The following HEATR4 variants were observed in gnomAD, a reference collection of about 807,000 sequenced individuals.
HEATR4 encodes the protein HEAT repeat-containing protein 4.
Under a neutral mutation model 108.8 loss-of-function variants are expected in HEATR4, and 95 were observed. That is an observed-to-expected ratio of 0.87 (90% CI 0.74 to 1.04). The LOEUF is 1.04. Ranked by LOEUF, HEATR4 falls within the 50% of genes least tolerant of loss-of-function variation. The probability of loss-of-function intolerance (pLI) is 0.00; values close to 1 mark genes in which losing one functional copy is unlikely to be tolerated. For synonymous variants in HEATR4, 443 were observed against 459.4 expected, an observed-to-expected ratio of 0.96 and a Z score of 0.46; for missense variants, 1,152 against 1,253.8, an observed-to-expected ratio of 0.92 and a Z score of 1.23.
chr14:73,617,170 A>G, the HEATR4 span: 1 of 1,614,186 alleles, frequency 6.2e-7, no homozygotes, highest in East Asian at 2.2e-5. Flanking sequence ...GAAGCCGTGG[A>G]CTTTATGCTG....
At chr14:73,570,491 C>G in the HEATR4 span, among the ~76,000 whole-genome samples, 2 of 151,934 alleles carry the variant, frequency 1.3e-5, no homozygotes, top group Non-Finnish European at 1.5e-5. Flanking sequence ...ATGGTGTGAA[C>G]CCGGGAGGCA....
the HEATR4 span, among the ~76,000 whole-genome samples, chr14:73,614,048 A>AAAAAC: frequency 2.8e-5 from 4 of 143,844 alleles, no homozygotes; most frequent in African/African-American, 1.0e-4. Flanking sequence ...AAAAAAAAAA[A>AAAAAC]AAATTAGGCA....
the HEATR4 span, among the ~76,000 whole-genome samples, chr14:73,603,789 A>G: frequency 0.021 from 3,132 of 150,668 alleles, 116 homozygotes; most frequent in African/African-American, 0.072. Flanking sequence ...GTTGGAGTGC[A>G]GTGGTGCAAT....
At chr14:73,591,991 G>T in the HEATR4 span, 13 of 1,417,224 alleles carry the variant, frequency 9.2e-6, no homozygotes, top group Non-Finnish European at 1.2e-5. Context: ...GAGCCCCCAG[G>T]CCGCTGCTGC....
intron 17 of HEATR4, among the ~76,000 whole-genome samples, chr14:73,480,595 A>C (rs896489068): frequency 6.6e-6 from 1 of 152,188 alleles, no homozygotes; most frequent in Non-Finnish European, 1.5e-5. Flanking sequence ...ATACAAAGTA[A>C]GTCTGACCTG....
In HEATR4 at chr14:73,498,264, C is replaced by T. The variant is rs140104691; in HGVS notation, c.2437G>A (p.Val813Ile). ...WAIHYEESPG[V>I]RLEACRSILA... is the part of the protein sequence containing the mutation. ...ATGCTACGGCAAGCTTCCAGCCGTA[C>T]ACCTGGTGACTCTTCATAGTGGATA... The change falls in exon 14 of 18, where the codon GTA (valine) becomes ATA (isoleucine). Residue 813 changes from valine (V) to isoleucine (I), a missense_variant. Coordinates refer to ENST00000553558, the MANE Select transcript of HEATR4 (RefSeq NM_001220484.1). 3 of 1,613,998 alleles carry T rather than the reference C, an allele frequency of 1.9e-6. No homozygotes were observed. The highest frequency in any genetic ancestry group is 2.2e-5 in the East Asian group (1 of 44,898).
intron 17 of HEATR4, among the ~76,000 whole-genome samples, chr14:73,483,363 G>A (rs150383021): frequency 6.6e-6 from 1 of 152,008 alleles, no homozygotes; most frequent in Non-Finnish European, 1.5e-5. Context: ...TAGAGACCTG[G>A]TCTTACTATG....
chr14:73,519,252 T>A, intron 4 of HEATR4, 89 bp from the exon 5 acceptor site: 1 of 1,388,398 alleles, frequency 7.2e-7, no homozygotes, highest in Non-Finnish European at 9.8e-7. Flanking sequence ...CAGACCCAAC[T>A]TCCTTTTGCC....
chr14:73,532,276 T>C (rs1416643022), intron 1 of HEATR4, among the ~76,000 whole-genome samples: 1 of 115,330 alleles, frequency 8.7e-6, no homozygotes, highest in African/African-American at 2.8e-5. Flanking sequence ...CAATCCTATT[T>C]TCCCTGATCT....
intron 17 of HEATR4, among the ~76,000 whole-genome samples, chr14:73,489,089 AC>A (rs1433390998): frequency 6.6e-6 from 1 of 151,018 alleles, no homozygotes; most frequent in African/African-American, 2.4e-5. Flanking sequence ...TTTGTAATAA[AC>A]CAGGATTTGT....
chr14:73,573,336 C>T, the HEATR4 span: 4 of 1,610,976 alleles, frequency 2.5e-6, 1 homozygote, highest in Non-Finnish European at 3.4e-6. Flanking sequence ...TTAAACCATC[C>T]AACTGTTTCA....
intron 17 of HEATR4, among the ~76,000 whole-genome samples, chr14:73,479,925 G>A (rs1160681588): frequency 6.6e-6 from 1 of 152,062 alleles, no homozygotes; most frequent in Non-Finnish European, 1.5e-5. Flanking sequence ...GTCTCTCTCA[G>A]CCTACTCTGG....
At chr14:73,592,875 A>G in the HEATR4 span, among the ~76,000 whole-genome samples, 1 of 152,228 alleles carries the variant, frequency 6.6e-6, no homozygotes, top group East Asian at 1.9e-4. Flanking sequence ...AAGAAAAAAA[A>G]GGATTTTTTG....
In HEATR4 at chr14:73,500,642, G is replaced by A; in HGVS notation, c.2194C>T (p.Pro732Ser). The change falls in exon 12 of 18, where the codon CCA becomes TCA. Residue 732 changes from proline to serine, a missense_variant. Coordinates refer to ENST00000553558, the MANE Select transcript of HEATR4 (RefSeq NM_001220484.1). ...ELKLMTAKLL[P>S]SFLHCFSDDF... ...TCAGAGAAGCAGTGCAGGAAGCTTG[G>A]GAGAAGCTTGGCGGTCATAAGCTTG... is the stretch of plus-strand genomic sequence containing the variant. 6.2e-7 allele frequency: 1 copy of A among 1,614,174 alleles called. No individual in the cohort carries two copies. The highest frequency in any genetic ancestry group is 2.2e-5 in the East Asian group (1 of 44,888).
intron 17 of HEATR4, among the ~76,000 whole-genome samples, chr14:73,484,862 ATAT>A (rs1286764179): frequency 6.9e-6 from 1 of 145,296 alleles, no homozygotes; most frequent in Non-Finnish European, 1.5e-5. Flanking sequence ...ACACACACAC[ATAT>A]ATGGTTTTAA....
chr14:73,589,770 TAC>T, the HEATR4 span, among the ~76,000 whole-genome samples: 1 of 152,200 alleles, frequency 6.6e-6, no homozygotes, highest in Non-Finnish European at 1.5e-5. Flanking sequence ...GCGGAGATGT[TAC>T]AGTTCTTAAA....
intron 17 of HEATR4, among the ~76,000 whole-genome samples, chr14:73,486,032 A>G (rs545142271): frequency 1.3e-5 from 2 of 152,254 alleles, no homozygotes; most frequent in East Asian, 3.9e-4. Context: ...TTTTTTAAGG[A>G]TAGATTTCTA....
chr14:73,479,490 G>T (rs1885163373), intron 17 of HEATR4, among the ~76,000 whole-genome samples: 1 of 146,102 alleles, frequency 6.8e-6, no homozygotes, highest in Non-Finnish European at 1.5e-5. Context: ...CCAGGCTGGG[G>T]TGCAATGGTG....
intron 12 of HEATR4, among the ~76,000 whole-genome samples, chr14:73,499,393 T>C (rs552979065): frequency 2.7e-4 from 41 of 152,118 alleles, no homozygotes; most frequent in African/African-American, 9.6e-4. Context: ...GGTAGGAGAA[T>C]TGCTTGGACC....
Sources: gnomAD v4.1 joint callset for allele counts (sites outside exome capture counted in the v4.1 genomes callset) on GRCh38, gnomAD v4.1.1 for gene constraint, MANE v1.5 for transcripts, NCBI Gene and HGNC (gene_info 2026-07-23, HGNC 2026-07-21) for gene names.